ADAM20: variants seen among roughly 807,000 people sequenced by gnomAD.
The protein encoded by ADAM20 is disintegrin and metalloproteinase domain-containing protein 20.
For missense variants in ADAM20, 871 were observed against 883.2 expected (o/e 0.99, Z 0.18); for synonymous variants, 305 against 310.2 (o/e 0.98, Z 0.18).
the ADAM20 span, among the ~76,000 whole-genome samples, chr14:70,545,952 A>T: frequency 1.3e-5 from 2 of 152,216 alleles, no homozygotes; most frequent in African/African-American, 2.4e-5. Context: ...CAAGGACAAG[A>T]CCACAAAACA....
At chr14:70,569,881 CTAACAA>C in the ADAM20 span, among the ~76,000 whole-genome samples, 2 of 15,620 alleles carry the variant, frequency 1.3e-4, no homozygotes, top group Non-Finnish European at 3.0e-4. Context: ...AGGCAGAAAA[CTAACAA>C]AAAAAAAAAA....
chr14:70,560,147 A>G, the ADAM20 span, among the ~76,000 whole-genome samples: 1 of 152,364 alleles, frequency 6.6e-6, no homozygotes, highest in African/African-American at 2.4e-5. Context: ...TGGAGTATTA[A>G]AAGACATTCA....
chr14:70,531,855 C>T (rs1310714803), intron 1 of ADAM20, among the ~76,000 whole-genome samples: 1 of 151,888 alleles, frequency 6.6e-6, no homozygotes, highest in Non-Finnish European at 1.5e-5. Context: ...TTAAAGAAGA[C>T]ATAAATAAAT....
At chr14:70,546,380 A>T in the ADAM20 span, among the ~76,000 whole-genome samples, 2 of 152,200 alleles carry the variant, frequency 1.3e-5, no homozygotes, top group African/African-American at 2.4e-5. Flanking sequence ...TTGGTTTTAT[A>T]CATTTTAGGG....
chr14:70,556,113 C>T, the ADAM20 span: 1 of 152,326 alleles, frequency 6.6e-6, no homozygotes, highest in Non-Finnish European at 1.5e-5. Flanking sequence ...AGCCGGAAGG[C>T]TGCAGCAGGA....
the ADAM20 span, among the ~76,000 whole-genome samples, chr14:70,544,793 C>T: frequency 6.6e-6 from 1 of 152,032 alleles, no homozygotes; most frequent in Admixed American, 6.5e-5. Flanking sequence ...AAACATCACA[C>T]TATATCCCAT....
chr14:70,569,446 G>T, the ADAM20 span, among the ~76,000 whole-genome samples: 1 of 152,106 alleles, frequency 6.6e-6, no homozygotes, highest in Non-Finnish European at 1.5e-5. Flanking sequence ...CATGTAAATG[G>T]TCTAAATACC....
chr14:70,576,408 A>G, the ADAM20 span, among the ~76,000 whole-genome samples: 1 of 152,208 alleles, frequency 6.6e-6, no homozygotes, highest in Admixed American at 6.5e-5. Flanking sequence ...CTAGAAAGAT[A>G]TAATTTACAA....
the ADAM20 span, among the ~76,000 whole-genome samples, chr14:70,567,535 T>C: frequency 1.3e-5 from 2 of 152,126 alleles, no homozygotes; most frequent in African/African-American, 4.8e-5. Flanking sequence ...ACAGCAGAGG[T>C]TCTTCCCACT....
At chr14:70,576,702 A>G in the ADAM20 span, among the ~76,000 whole-genome samples, 1 of 152,174 alleles carries the variant, frequency 6.6e-6, no homozygotes, top group Non-Finnish European at 1.5e-5. Context: ...AGGAGGTCAG[A>G]ACTACGTAGG....
chr14:70,553,525 TA>T, the ADAM20 span, among the ~76,000 whole-genome samples: 8,797 of 56,992 alleles, frequency 0.15, 492 homozygotes, highest in East Asian at 0.47. Flanking sequence ...GCAAAAATCC[TA>T]AAAAAAAAAA....
chr14:70,546,762 C>T, the ADAM20 span, among the ~76,000 whole-genome samples: 1 of 151,856 alleles, frequency 6.6e-6, no homozygotes, highest in Non-Finnish European at 1.5e-5. Flanking sequence ...AGAAAAGCAA[C>T]AGCAAACCAA....
Position 70,523,403 on chromosome 14 carries a change from CATAT to C in ADAM20, c.1351_1354del (p.Ile451ValfsTer48). 6.2e-7 allele frequency: 1 copy of C among 1,614,024 alleles called. No individual in the cohort carries two copies. Among genetic ancestry groups the C allele is most frequent in the African/African-American group, 1.3e-5 (1 of 75,016 alleles). On this transcript the variant is annotated frameshift_variant, in exon 2 of 2. Transcript: ENST00000256389. LOFTEE classifies it low-confidence loss of function (END_TRUNC). ...TGGCAGAAATTTGCAGTCTTTGCAA[CATAT>C]TCCAAAAGCACAAGCAGCCCCAGGA...
At chr14:70,547,132 C>A in the ADAM20 span, 1 of 152,164 alleles carries the variant, frequency 6.6e-6, no homozygotes, top group Admixed American at 6.5e-5. Flanking sequence ...ACACAACCTA[C>A]AAGATTGAAC....
At chr14:70,556,723 A>C in the ADAM20 span, 1 of 152,264 alleles carries the variant, frequency 6.6e-6, no homozygotes, top group Non-Finnish European at 1.5e-5. Context: ...TGCAGAAAAT[A>C]CAGTATTCAC....
At chr14:70,576,366 T>C in the ADAM20 span, among the ~76,000 whole-genome samples, 1 of 152,130 alleles carries the variant, frequency 6.6e-6, no homozygotes, top group Admixed American at 6.5e-5. Flanking sequence ...TAATTTAGCC[T>C]TAACTTTAAA....
At chr14:70,535,745 T>A (rs1391183471), upstream of ADAM20, among the ~76,000 whole-genome samples, 1 of 152,130 alleles carries the variant, frequency 6.6e-6, no homozygotes, top group African/African-American at 2.4e-5. Context: ...TCCAAAATAT[T>A]TGCAACATTT....
intron 1 of ADAM20, among the ~76,000 whole-genome samples, chr14:70,533,812 G>A (rs1319445425): frequency 6.6e-6 from 1 of 151,178 alleles, no homozygotes; most frequent in Non-Finnish European, 1.5e-5. Context: ...GCTGGGCACG[G>A]TGGCTCATGC....
the ADAM20 span, among the ~76,000 whole-genome samples, chr14:70,546,859 T>C: frequency 6.6e-6 from 1 of 151,924 alleles, no homozygotes; most frequent in African/African-American, 2.4e-5. Context: ...GATCAACATT[T>C]AAAGAAATTG....
Sources: allele counts gnomAD v4.1 joint callset (sites outside exome capture counted in the v4.1 genomes callset), GRCh38; gene constraint gnomAD v4.1.1; transcripts MANE v1.5; gene names NCBI Gene and HGNC (gene_info 2026-07-23, HGNC 2026-07-21).